The following ABCA13 variants were observed in gnomAD, a reference collection of about 807,000 sequenced individuals.
The protein encoded by ABCA13 is ATP-binding cassette sub-family A member 13.
A neutral mutation model predicts 478.7 loss-of-function variants in ABCA13; 476 were observed. That is an observed-to-expected ratio of 0.99 (90% CI 0.92 to 1.07). The LOEUF (loss-of-function observed/expected upper bound fraction) is 1.07. Among genes scored for constraint, ABCA13 ranks in the 50% least tolerant of loss-of-function variants. The pLI, the probability that ABCA13 is intolerant of heterozygous loss-of-function variation, is 0.00. For synonymous variants in ABCA13, 2,252 were observed against 2,158.9 expected, an observed-to-expected ratio of 1.04 and a Z score of -1.20; for missense variants, 6,060 against 5,910.6, an observed-to-expected ratio of 1.03 and a Z score of -0.83.
chr7:48,328,671 C>T (rs1429636579), intron 27 of ABCA13, among the ~76,000 whole-genome samples: 1 of 151,766 alleles, frequency 6.6e-6, no homozygotes, highest in Non-Finnish European at 1.5e-5. Context: ...TTGATATAAT[C>T]TTAATTAATT....
At chr7:48,555,319 G>A (rs895270677) in intron 55 of ABCA13, among the ~76,000 whole-genome samples, 1 of 151,430 alleles carries the variant, frequency 6.6e-6, no homozygotes, top group African/African-American at 2.4e-5. Context: ...TGTCTGATGT[G>A]GGTATTAAGG....
Position 48,520,276 on chromosome 7 carries a change from A to G in ABCA13, c.14033A>G (p.Asp4678Gly). 6.2e-7 allele frequency: 1 copy of G among 1,611,726 alleles called. No homozygotes were observed. Among genetic ancestry groups the G allele is most frequent in the Non-Finnish European group, 8.5e-7 (1 of 1,178,466 alleles). ...CTCTTGAGGGTTCTGCTACACTGGG[A>G]CCTTCTGCGATGGCCAAGGTGGGTT... ...LLLLRVLLHW[D>G]LLRWPRGHST... The change falls in exon 53 of 62, where the codon GAC becomes GGC. Residue 4678 changes from aspartate to glycine, a missense_variant. Coordinates refer to ENST00000435803, the MANE Select transcript of ABCA13 (RefSeq NM_152701.5).
At chr7:48,283,987 C>T (rs970525690) in intron 19 of ABCA13, among the ~76,000 whole-genome samples, 1 of 152,184 alleles carries the variant, frequency 6.6e-6, no homozygotes, top group African/African-American at 2.4e-5. Context: ...AATGAGTCAC[C>T]TCCAAGGGGC....
chr7:48,314,348 G>A lies in ABCA13; in HGVS notation c.9798G>A (p.Leu3266=). The change falls in exon 26 of 62, where the codon TTG becomes TTA. Residue 3266 remains leucine, a synonymous_variant. Coordinates refer to ENST00000435803, the MANE Select transcript of ABCA13 (RefSeq NM_152701.5). ...GCGATTCTAATATGTTTATTAATTT[G>A]CCCAGAGTTAAGGAACTCTTGGAAG... is the stretch of plus-strand genomic sequence containing the variant. ...FLSDSNMFIN[L]PRVKELLEDD... 6.2e-7 allele frequency: 1 copy of A among 1,611,486 alleles called. No individual in the cohort carries two copies. The highest frequency in any genetic ancestry group is 1.3e-5 in the African/African-American group (1 of 74,974).
intron 31 of ABCA13, among the ~76,000 whole-genome samples, chr7:48,356,983 ATTG>A (rs1810023357): frequency 6.6e-6 from 1 of 151,852 alleles, no homozygotes. Flanking sequence ...TATTTCCTCT[ATTG>A]CTTTTTGGCT....
chr7:48,212,599 A>G (rs976471574), intron 3 of ABCA13, among the ~76,000 whole-genome samples: 2 of 152,134 alleles, frequency 1.3e-5, no homozygotes, highest in Non-Finnish European at 2.9e-5. Context: ...GCTAACACTT[A>G]TTATGTTGTT....
intron 55 of ABCA13, among the ~76,000 whole-genome samples, chr7:48,540,858 C>A (rs1833898087): frequency 6.6e-6 from 1 of 152,058 alleles, no homozygotes; most frequent in African/African-American, 2.4e-5. Flanking sequence ...AAATCACATG[C>A]ATTTTTATTA....
chr7:48,565,951 G>T (rs1787012037), intron 55 of ABCA13, among the ~76,000 whole-genome samples: 1 of 152,114 alleles, frequency 6.6e-6, no homozygotes. Flanking sequence ...TGATGAAAGG[G>T]CAGGTGGTAA....
intron 41 of ABCA13, among the ~76,000 whole-genome samples, chr7:48,417,848 C>T (rs1171334378): frequency 2.0e-5 from 3 of 152,210 alleles, no homozygotes; most frequent in Non-Finnish European, 4.4e-5. Flanking sequence ...CTGCCCGAAG[C>T]CCCAGCCCTC....
At chr7:48,613,218 T>C (rs1340292545) in intron 58 of ABCA13, among the ~76,000 whole-genome samples, 1 of 151,964 alleles carries the variant, frequency 6.6e-6, no homozygotes, top group African/African-American at 2.4e-5. Context: ...GATGGAGTCT[T>C]ACTCTTCTCA....
intron 47 of ABCA13, among the ~76,000 whole-genome samples, chr7:48,488,439 A>G (rs1033161784): frequency 1.3e-5 from 2 of 152,272 alleles, no homozygotes; most frequent in South Asian, 2.1e-4. Flanking sequence ...ATAAACTACG[A>G]TAACTTGAAT....
At position 48,287,653 on chromosome 7, in the gene ABCA13, C is replaced by T. The variant is rs188533499; in HGVS notation, c.8837-307C>T. 2.5e-3 allele frequency among the ~76,000 whole-genome samples: 379 copies of T among 152,248 alleles called. 3 individuals are homozygous for T. Among genetic ancestry groups the T allele is most frequent in the African/African-American group, 8.8e-3 (366 of 41,534 alleles). On this transcript the variant is annotated intron_variant, in intron 19 of 61. Transcript: ENST00000435803. ...AGAATAGGTGAAAAGCAAGTCTGTC[C>T]TGGGCAAACTGGGGTGAATGGGTAC... is the stretch of plus-strand genomic sequence containing the variant.
At chr7:48,617,064 T>A (rs985500369) in intron 59 of ABCA13, among the ~76,000 whole-genome samples, 1 of 152,166 alleles carries the variant, frequency 6.6e-6, no homozygotes, top group African/African-American at 2.4e-5. Context: ...TGTAAAATGC[T>A]TATTCTCCTA....
chr7:48,284,528 T>C (rs1797465400), intron 19 of ABCA13, among the ~76,000 whole-genome samples: 1 of 152,202 alleles, frequency 6.6e-6, no homozygotes, highest in South Asian at 2.1e-4. Context: ...TCTTGAATGC[T>C]TATCTTCCAT....
intron 29 of ABCA13, among the ~76,000 whole-genome samples, chr7:48,340,397 C>T (rs1219324140): frequency 1.3e-5 from 2 of 152,268 alleles, no homozygotes; most frequent in East Asian, 1.9e-4. Context: ...TGAGCCACTG[C>T]GCCTGGCCTC....
chr7:48,232,256 C>G (rs1309313927), intron 7 of ABCA13, among the ~76,000 whole-genome samples: 1 of 144,152 alleles, frequency 6.9e-6, no homozygotes, highest in Admixed American at 7.3e-5. Flanking sequence ...ATGCTGAGAA[C>G]AAAACCCAGA....
chr7:48,578,256 A>G (rs887786559), intron 55 of ABCA13, among the ~76,000 whole-genome samples: 1 of 152,172 alleles, frequency 6.6e-6, no homozygotes, highest in Admixed American at 6.5e-5. Flanking sequence ...AAAATCACAC[A>G]GATTGTGAAG....
intron 41 of ABCA13, among the ~76,000 whole-genome samples, chr7:48,425,866 G>T (rs12718267): frequency 1.3e-5 from 2 of 151,422 alleles, no homozygotes; most frequent in African/African-American, 2.4e-5. Flanking sequence ...CTCAGCCTCC[G>T]GAGTAGCTGG....
intron 16 of ABCA13, among the ~76,000 whole-genome samples, 196 bp downstream of exon 16, chr7:48,269,290 G>A (rs1395291237): frequency 6.6e-6 from 1 of 152,132 alleles, no homozygotes; most frequent in Admixed American, 6.5e-5. Context: ...TTAATAGAAT[G>A]TATGACTCAA....
Sources: allele counts gnomAD v4.1 joint callset (sites outside exome capture counted in the v4.1 genomes callset), GRCh38; gene constraint gnomAD v4.1.1; transcripts MANE v1.5; gene names NCBI Gene and HGNC (gene_info 2026-07-23, HGNC 2026-07-21).